Variants in KANK1 observed in about 807,000 individuals in gnomAD.
KANK1 encodes KN motif and ankyrin repeat domain-containing protein 1.
A neutral mutation model predicts 106.2 loss-of-function variants in KANK1; 109 were observed. That is an observed-to-expected ratio of 1.03 (90% confidence interval 0.88 to 1.20). KANK1 has a LOEUF of 1.20. KANK1 is among the 50% of genes most tolerant of loss of function. The pLI is 0.00. For missense variants in KANK1, 2,399 were observed against 1,710.7 expected, an observed-to-expected ratio of 1.40 and a Z score of -7.10; for synonymous variants, 873 against 652.2, an observed-to-expected ratio of 1.34 and a Z score of -5.16.
At chr9:497,325 AAGGATCTGC>A (rs2132398487) in intron 3 of KANK1, among the ~76,000 whole-genome samples, 1 of 152,288 alleles carries the variant, frequency 6.6e-6, no homozygotes, top group South Asian at 2.1e-4. Flanking sequence ...TGGCGTTGGA[AAGGATCTGC>A]AGGTAGCAAA....
chr9:712,338 C>T lies in KANK1; in HGVS notation c.1572C>T (p.Asp524=). 1 of 1,614,166 alleles carries T rather than the reference C, an allele frequency of 6.2e-7. No individual in the cohort carries two copies. The change falls in exon 3 of 12, where the codon GAC becomes GAT. Residue 524 remains aspartate, a synonymous_variant. Coordinates refer to ENST00000382297, the MANE Select transcript of KANK1 (RefSeq NM_015158.5). Reference sequence around the variant, plus strand: ...TGGAGGCAGTGGTGCAGACCAGAGACCAAATGGTCGGCAGTCACATGGACC... The same window carrying T: ...TGGAGGCAGTGGTGCAGACCAGAGATCAAATGGTCGGCAGTCACATGGACC... The part of the protein sequence containing the change: ...KVVEAVVQTR[D]QMVGSHMDLV...
rs546189718 is a variant in KANK1, at chr9:509,948, G to A, written c.-84+5194G>A. On this transcript the variant is annotated intron_variant, in intron 1 of 11. Transcript: ENST00000382297. Reference sequence around the variant, plus strand: ...CCCGAGTAGCTGGGACTACAGGCATGTGCCACTGCACTCAGCTAATTTTTC... The same window carrying A: ...CCCGAGTAGCTGGGACTACAGGCATATGCCACTGCACTCAGCTAATTTTTC... Among the ~76,000 whole-genome samples the A allele has an allele frequency of 4.0e-5, 6 of 151,794 alleles. No individual in the cohort carries two copies. In the East Asian group the frequency reaches 9.7e-4, roughly 24 times the overall value.
intron 1 of KANK1, among the ~76,000 whole-genome samples, chr9:516,845 G>A (rs959037824): frequency 2.6e-5 from 4 of 151,636 alleles, no homozygotes; most frequent in African/African-American, 4.9e-5. Context: ...GCCCGCTGGG[G>A]GGTACCTGTC....
chr9:581,581 A>G (rs1431730115), intron 1 of KANK1, among the ~76,000 whole-genome samples: 3 of 152,214 alleles, frequency 2.0e-5, no homozygotes, highest in Non-Finnish European at 4.4e-5. Context: ...ATCTTAGTCC[A>G]CAAACTAGAG....
At position 736,343 on chromosome 9, in the gene KANK1, C is replaced by A. The variant is rs531210168; in HGVS notation, c.3333+1508C>A. Among the ~76,000 whole-genome samples, 68 of 152,228 alleles carry A rather than the reference C, an allele frequency of 4.5e-4. 1 individual carries two copies. Among genetic ancestry groups the A allele is most frequent in the African/African-American group, 1.4e-3 (57 of 41,544 alleles). ...ATTACATATTTTTTAAATATTTTCA[C>A]TCTGCCAGTGGTTGAATCTATGGAA... On this transcript the variant is annotated intron_variant, in intron 7 of 11. Transcript: ENST00000382297.
chr9:671,888 C>T lies in KANK1; in HGVS notation c.-83-5002C>T, dbSNP rs578045583. Among the ~76,000 whole-genome samples the T allele has an allele frequency of 2.0e-5, 3 of 152,066 alleles. No individual in the cohort carries two copies. The South Asian group carries it at 6.2e-4, about 32-fold the overall frequency. On this transcript the variant is annotated intron_variant, in intron 1 of 11. Coordinates refer to ENST00000382297, the MANE Select transcript of KANK1 (RefSeq NM_015158.5). Reference sequence around the variant, plus strand: ...ACCTGAACCTGGGAGGCGGAGGTTGCAGTGAGCTGAGATCGCGCCACTGCA... The same window carrying T: ...ACCTGAACCTGGGAGGCGGAGGTTGTAGTGAGCTGAGATCGCGCCACTGCA...
chr9:489,626 C>T (rs982323284), intron 3 of KANK1, among the ~76,000 whole-genome samples: 1 of 152,158 alleles, frequency 6.6e-6, no homozygotes, highest in Non-Finnish European at 1.5e-5. Flanking sequence ...CTTAACTTCA[C>T]TGGGCTCCAC....
At chr9:504,181 C>A (rs528969085), upstream of KANK1, among the ~76,000 whole-genome samples, 2 of 152,332 alleles carry the variant, frequency 1.3e-5, no homozygotes, top group South Asian at 4.1e-4. Context: ...AGAACCCCCG[C>A]CCCAGCCGGA....
intron 1 of KANK1, among the ~76,000 whole-genome samples, chr9:614,501 T>G (rs1027672258): frequency 6.6e-6 from 1 of 152,206 alleles, no homozygotes; most frequent in Admixed American, 6.5e-5. Flanking sequence ...CTGATCTTGG[T>G]CCTATCCTAG....
chr9:569,040 TG>T (rs1818524051), intron 1 of KANK1, among the ~76,000 whole-genome samples: 1 of 152,138 alleles, frequency 6.6e-6, no homozygotes, highest in Non-Finnish European at 1.5e-5. Flanking sequence ...GAGGTTCAGC[TG>T]GGGACCAGCT....
At position 732,210 on chromosome 9, in the gene KANK1, C is replaced by G. The variant is rs558652912; in HGVS notation, c.3006-168C>G. Reference sequence around the variant, plus strand: ...TAACCAGTTTAAGTTAGAGTCCATTCAAAACCACCAGGCATTTAAATAGAC... The same window carrying G: ...TAACCAGTTTAAGTTAGAGTCCATTGAAAACCACCAGGCATTTAAATAGAC... On this transcript the variant is annotated intron_variant, in intron 5 of 11. Coordinates refer to ENST00000382297, the MANE Select transcript of KANK1 (RefSeq NM_015158.5). 2.1e-5 allele frequency: 15 copies of G among 714,970 alleles called. No homozygotes were observed. The South Asian group carries it at 2.7e-4, about 13-fold the overall frequency. The allele number at this position is 714,970 out of a possible 1,614,324, so 44.3% of individuals were successfully genotyped here. A position where few individuals can be genotyped will look rare whatever the true frequency, so the allele number is the denominator to read the frequency against.
At chr9:718,563 G>C (rs1828389182) in intron 3 of KANK1, among the ~76,000 whole-genome samples, 1 of 152,070 alleles carries the variant, frequency 6.6e-6, no homozygotes, top group South Asian at 2.1e-4. Flanking sequence ...GCCTGCCTCA[G>C]CCTCCCAAAT....
intron 1 of KANK1, among the ~76,000 whole-genome samples, chr9:581,052 A>G (rs1821992718): frequency 6.6e-6 from 1 of 152,122 alleles, no homozygotes; most frequent in Non-Finnish European, 1.5e-5. Context: ...GGCCGCTCCA[A>G]GTGTGGGGCC....
intron 1 of KANK1, among the ~76,000 whole-genome samples, chr9:605,879 G>A (rs1828983473): frequency 1.3e-5 from 2 of 151,602 alleles, no homozygotes; most frequent in East Asian, 3.9e-4. Context: ...ATGGTAATGG[G>A]ACTAACTGGC....
upstream of KANK1, among the ~76,000 whole-genome samples, chr9:501,405 C>T (rs2132472795): frequency 6.7e-6 from 1 of 149,444 alleles, no homozygotes; most frequent in East Asian, 1.9e-4. Context: ...GAACCAATCA[C>T]AAACTTTATA....
At chr9:702,727 G>A (rs1822998076) in intron 2 of KANK1, among the ~76,000 whole-genome samples, 1 of 152,082 alleles carries the variant, frequency 6.6e-6, no homozygotes, top group African/African-American at 2.4e-5. Context: ...ATGCCTTTTA[G>A]CCCCTAGTTT....
At chr9:643,416 T>G (rs1838915683) in intron 1 of KANK1, among the ~76,000 whole-genome samples, 1 of 150,858 alleles carries the variant, frequency 6.6e-6, no homozygotes, top group African/African-American at 2.5e-5. Context: ...TTGCAGTACT[T>G]TTTGTTGTTG....
At chr9:655,109 C>T (rs758481264) in intron 1 of KANK1, among the ~76,000 whole-genome samples, 2 of 152,132 alleles carry the variant, frequency 1.3e-5, no homozygotes, top group African/African-American at 4.8e-5. Flanking sequence ...GTAGCTCACG[C>T]CTGTAACCCC....
chr9:509,435 T>G (rs563568312), intron 1 of KANK1, among the ~76,000 whole-genome samples: 2 of 152,394 alleles, frequency 1.3e-5, no homozygotes, highest in African/African-American at 4.8e-5. Flanking sequence ...AATTATTTGT[T>G]GTCTTCACTT....
Sources: gnomAD v4.1 joint callset for allele counts (sites outside exome capture counted in the v4.1 genomes callset) on GRCh38, gnomAD v4.1.1 for gene constraint, MANE v1.5 for transcripts, NCBI Gene and HGNC (gene_info 2026-07-23, HGNC 2026-07-21) for gene names.